The following TSHZ2 variants were observed in gnomAD, a reference collection of about 807,000 sequenced individuals.
TSHZ2 encodes teashirt zinc finger homeobox 2, also known as teashirt homolog 2.
In TSHZ2, 21 loss-of-function variants were observed where a neutral mutation model predicts 74.4. The observed-to-expected ratio is 0.28, with a 90% confidence interval of 0.20 to 0.41. TSHZ2 has a LOEUF of 0.41. TSHZ2 is among the 10% of genes least tolerant of loss of function. The pLI, the probability that TSHZ2 is intolerant of heterozygous loss-of-function variation, is 1.00. For missense variants in TSHZ2, 1,244 were observed against 1,293.5 expected (o/e 0.96, Z 0.59); for synonymous variants, 540 against 515.3 (o/e 1.05, Z -0.65).
At chr20:53,073,984 G>A (rs1405847973) in intron 1 of TSHZ2, among the ~76,000 whole-genome samples, 1 of 152,158 alleles carries the variant, frequency 6.6e-6, no homozygotes, top group East Asian at 1.9e-4. Context: ...GATGTGTGAG[G>A]TGCTTCCACA....
At position 53,490,698 on chromosome 20, in the gene TSHZ2, G is replaced by A. The variant is rs914794868; in HGVS notation, c.*3563G>A. ...ATAATTAATGTCACAGGCGCAAGCC[G>A]CTGAACTTAGTTGAGATGCAGAAAA... On this transcript the variant is annotated 3_prime_UTR_variant, in exon 3 of 3. Coordinates refer to ENST00000371497, the MANE Select transcript of TSHZ2 (RefSeq NM_173485.6). 1.3e-5 allele frequency: 2 copies of A among 152,238 alleles called. No individual in the cohort carries two copies. Among genetic ancestry groups the A allele is most frequent in the Admixed American group, 6.5e-5 (1 of 15,280 alleles). 9.4% of individuals were successfully genotyped at this position (152,238 alleles called of 1,614,324 possible). A position where few individuals can be genotyped will look rare whatever the true frequency, so the allele number is the denominator to read the frequency against.
chr20:53,100,170 G>A (rs552102268), intron 1 of TSHZ2, among the ~76,000 whole-genome samples: 1 of 152,294 alleles, frequency 6.6e-6, no homozygotes, highest in East Asian at 1.9e-4. Context: ...AGATCCCACA[G>A]AGAGTAAAAG....
chr20:53,169,597 A>G (rs1323687474), intron 1 of TSHZ2, among the ~76,000 whole-genome samples: 1 of 152,226 alleles, frequency 6.6e-6, no homozygotes, highest in African/African-American at 2.4e-5. Context: ...CCTCAAAAAA[A>G]TCTGTTGCAT....
intron 1 of TSHZ2, among the ~76,000 whole-genome samples, chr20:53,037,306 T>C (rs1490312964): frequency 6.6e-6 from 1 of 152,208 alleles, no homozygotes; most frequent in Non-Finnish European, 1.5e-5. Flanking sequence ...CATTCTTTTG[T>C]ACAAAAGTGA....
In TSHZ2 at chr20:53,033,047, T is replaced by C. The variant is rs986255871; in HGVS notation, c.40+59714T>C. On this transcript the variant is annotated intron_variant, in intron 1 of 2. Transcript: ENST00000371497. Reference sequence around the variant, plus strand: ...CTAGAAGCTATTGGCTATAGACTAGTGAATTTTGGTGACTTTCCATGCCCA... The same window carrying C: ...CTAGAAGCTATTGGCTATAGACTAGCGAATTTTGGTGACTTTCCATGCCCA... Among the ~76,000 whole-genome samples the C allele has an allele frequency of 2.6e-5, 4 of 152,334 alleles. No individual in the cohort carries two copies. The East Asian group carries it at 7.7e-4, about 29-fold the overall frequency.
At chr20:53,207,470 A>G (rs1358003109) in intron 1 of TSHZ2, among the ~76,000 whole-genome samples, 1 of 152,160 alleles carries the variant, frequency 6.6e-6, no homozygotes, top group Non-Finnish European at 1.5e-5. Context: ...GCAGGAGGTC[A>G]GTAGAGAGGA....
At chr20:53,353,547 T>C (rs1980735304) in intron 2 of TSHZ2, among the ~76,000 whole-genome samples, 1 of 152,236 alleles carries the variant, frequency 6.6e-6, no homozygotes, top group South Asian at 2.1e-4. Flanking sequence ...GAATATTCCA[T>C]AGACCAAATA....
At chr20:53,272,253 G>A (rs1990855362) in intron 2 of TSHZ2, among the ~76,000 whole-genome samples, 1 of 152,058 alleles carries the variant, frequency 6.6e-6, no homozygotes, top group Non-Finnish European at 1.5e-5. Flanking sequence ...TTCATGGTCT[G>A]CCTGCCTCGG....
intron 2 of TSHZ2, among the ~76,000 whole-genome samples, chr20:53,428,456 G>T (rs1412398921): frequency 6.6e-6 from 1 of 152,152 alleles, no homozygotes; most frequent in Non-Finnish European, 1.5e-5. Context: ...TGTATAAGTG[G>T]CTTCAGTTTG....
chr20:52,975,652 A>G (rs1207971532), intron 1 of TSHZ2, among the ~76,000 whole-genome samples: 1 of 152,040 alleles, frequency 6.6e-6, no homozygotes, highest in African/African-American at 2.4e-5. Context: ...AACCCTTTTT[A>G]AGCTGAAAAA....
chr20:53,111,960 T>C (rs554503790), intron 1 of TSHZ2, among the ~76,000 whole-genome samples: 1 of 152,274 alleles, frequency 6.6e-6, no homozygotes, highest in African/African-American at 2.4e-5. Flanking sequence ...TGCCACCGCC[T>C]TGCCCCATCC....
At chr20:53,115,332 T>C (rs1600698254) in intron 1 of TSHZ2, among the ~76,000 whole-genome samples, 1 of 152,170 alleles carries the variant, frequency 6.6e-6, no homozygotes, top group Non-Finnish European at 1.5e-5. Flanking sequence ...TGGCAGGTAA[T>C]TAAATCATGG....
chr20:53,422,583 A>G (rs1031782603), intron 2 of TSHZ2, among the ~76,000 whole-genome samples: 2 of 151,936 alleles, frequency 1.3e-5, no homozygotes, highest in Non-Finnish European at 2.9e-5. Flanking sequence ...CAACACCCCA[A>G]CCTTAATCAG....
intron 1 of TSHZ2, among the ~76,000 whole-genome samples, chr20:52,981,964 A>G: frequency 6.6e-6 from 1 of 152,216 alleles, no homozygotes; most frequent in Non-Finnish European, 1.5e-5. Flanking sequence ...TTGCCCTCCA[A>G]TTGGGGGAAG....
intron 2 of TSHZ2, among the ~76,000 whole-genome samples, chr20:53,264,042 T>A (rs1990658729): frequency 6.6e-6 from 1 of 152,234 alleles, no homozygotes. Flanking sequence ...TGGTTTCTTT[T>A]CAGATTATAT....
chr20:53,105,870 C>A (rs1986348639), intron 1 of TSHZ2, among the ~76,000 whole-genome samples: 1 of 152,058 alleles, frequency 6.6e-6, no homozygotes, highest in South Asian at 2.1e-4. Context: ...TGGTCTCGAA[C>A]GATCCTGGGC....
chr20:53,304,196 C>G (rs1332784374), intron 2 of TSHZ2, among the ~76,000 whole-genome samples: 8 of 123,818 alleles, frequency 6.5e-5, no homozygotes, highest in Non-Finnish European at 6.6e-5. Flanking sequence ...CCCCTCCCCC[C>G]ACCCCACAAC....
intron 2 of TSHZ2, chr20:53,273,391 T>G (rs1990877847): frequency 6.6e-6 from 1 of 152,406 alleles, no homozygotes; most frequent in African/African-American, 2.4e-5. Flanking sequence ...CCTCCTGGGT[T>G]CAAGTGATTC....
intron 2 of TSHZ2, among the ~76,000 whole-genome samples, chr20:53,335,310 G>C (rs1441491590): frequency 2.0e-5 from 3 of 152,216 alleles, no homozygotes; most frequent in African/African-American, 7.2e-5. Context: ...GACAAAGATG[G>C]TCATCATGGA....
Sources: gnomAD v4.1 joint callset for allele counts (sites outside exome capture counted in the v4.1 genomes callset) on GRCh38, gnomAD v4.1.1 for gene constraint, MANE v1.5 for transcripts, NCBI Gene and HGNC (gene_info 2026-07-23, HGNC 2026-07-21) for gene names.